The following ARHGEF7 variants were observed in gnomAD, a reference collection of about 807,000 sequenced individuals.
ARHGEF7 encodes the protein Rho guanine nucleotide exchange factor 7, also known as PAK-interacting exchange factor beta.
Under a neutral mutation model 109.8 loss-of-function variants are expected in ARHGEF7, and 33 were observed. The observed-to-expected ratio is 0.30, with a 90% CI of 0.23 to 0.40. The LOEUF (loss-of-function observed/expected upper bound fraction) is 0.40, where lower values mean the gene tolerates loss of function less well. ARHGEF7 is among the 10% of genes least tolerant of loss of function. The pLI, the probability that ARHGEF7 is intolerant of heterozygous loss-of-function variation, is 1.00. For missense variants in ARHGEF7, 938 were observed against 1,098.5 expected, an observed-to-expected ratio of 0.85 and a Z score of 2.07; for synonymous variants, 458 against 424.6, an observed-to-expected ratio of 1.08 and a Z score of -0.97.
chr13:111,134,934 A>G (rs993303309), intron 1 of ARHGEF7, among the ~76,000 whole-genome samples: 18 of 152,194 alleles, frequency 1.2e-4, no homozygotes, highest in African/African-American at 4.3e-4. Flanking sequence ...TAGGTCTAAC[A>G]TTTAAGCCTT....
intron 18 of ARHGEF7, among the ~76,000 whole-genome samples, chr13:111,291,516 C>T (rs184724327): frequency 5.2e-5 from 8 of 152,382 alleles, no homozygotes; most frequent in African/African-American, 2.4e-5. Context: ...CCTTTTCTGC[C>T]CTCTGAGTTC....
intron 2 of ARHGEF7, among the ~76,000 whole-genome samples, chr13:111,194,030 A>G (rs916944772): frequency 6.6e-6 from 1 of 152,202 alleles, no homozygotes; most frequent in Non-Finnish European, 1.5e-5. Context: ...TGAGTAGTCC[A>G]GACAGTGAGA....
At chr13:111,139,315 C>T (rs916041315) in intron 1 of ARHGEF7, among the ~76,000 whole-genome samples, 2 of 152,172 alleles carry the variant, frequency 1.3e-5, no homozygotes, top group African/African-American at 2.4e-5. Flanking sequence ...TCCCTTCCCT[C>T]GCCGGCTCCT....
Position 111,153,983 on chromosome 13 carries a change from C to A in ARHGEF7, c.244C>A (p.Arg82=). The stretch of plus-strand genomic sequence containing the variant: ...CCTGCGCGGCTGCGGGGCTTCCCTG[C>A]GGCTGGAGGTGAGCGCGGGCGGCCA... The part of the protein sequence containing the change: ...EFLRGCGASL[R]LETFDANDLY... The change falls in exon 2 of 22, where the codon CGG becomes AGG. Residue 82 remains arginine (R), a synonymous_variant. Transcript: ENST00000646102. The A allele has an allele frequency of 1.2e-6, 2 of 1,600,614 alleles. No individual in the cohort carries two copies. The highest frequency in any genetic ancestry group is 1.4e-5 in the African/African-American group (1 of 73,096).
chr13:111,245,612 G>A (rs117222782), intron 8 of ARHGEF7, among the ~76,000 whole-genome samples: 3,966 of 152,190 alleles, frequency 0.026, 82 homozygotes, highest in Non-Finnish European at 0.036. Context: ...ACTTCTGATG[G>A]CCGGCCACTA....
At chr13:111,148,531 C>A (rs889385039) in intron 1 of ARHGEF7, among the ~76,000 whole-genome samples, 1 of 152,214 alleles carries the variant, frequency 6.6e-6, no homozygotes, top group South Asian at 2.1e-4. Flanking sequence ...CTTACATACA[C>A]AGTCACCTAA....
chr13:111,203,323 C>T (rs1236595772), intron 2 of ARHGEF7, among the ~76,000 whole-genome samples: 1 of 152,286 alleles, frequency 6.6e-6, no homozygotes. Context: ...TTAAAAAATG[C>T]AGCTTAACCC....
At chr13:111,229,761 CT>C (rs956758636) in intron 5 of ARHGEF7, among the ~76,000 whole-genome samples, 1 of 152,112 alleles carries the variant, frequency 6.6e-6, no homozygotes, top group South Asian at 2.1e-4. Flanking sequence ...TTCCCGGAGA[CT>C]TTTTTGTCCC....
intron 8 of ARHGEF7, among the ~76,000 whole-genome samples, chr13:111,265,148 G>A (rs201503989): frequency 1.2e-4 from 13 of 111,416 alleles, no homozygotes; most frequent in African/African-American, 3.2e-4. Context: ...AAAAAAAAAA[G>A]AAGACCCATT....
chr13:111,236,760 A>G (rs1355752020), intron 6 of ARHGEF7, among the ~76,000 whole-genome samples: 3 of 152,264 alleles, frequency 2.0e-5, no homozygotes, highest in East Asian at 1.9e-4. Context: ...TGAGGCTAGG[A>G]GTTTGACACC....
chr13:111,170,338 T>A (rs1490153937), intron 2 of ARHGEF7, among the ~76,000 whole-genome samples: 1 of 152,248 alleles, frequency 6.6e-6, no homozygotes, highest in Non-Finnish European at 1.5e-5. Flanking sequence ...CCTTAAGTGA[T>A]CCACCCGCCT....
chr13:111,160,894 G>C (rs2076690583), intron 2 of ARHGEF7, among the ~76,000 whole-genome samples: 1 of 152,192 alleles, frequency 6.6e-6, no homozygotes, highest in Admixed American at 6.5e-5. Flanking sequence ...GGAACTGTGA[G>C]TCATTTAAAC....
intron 1 of ARHGEF7, among the ~76,000 whole-genome samples, chr13:111,148,342 G>C (rs2075720355): frequency 6.6e-6 from 1 of 152,206 alleles, no homozygotes; most frequent in African/African-American, 2.4e-5. Context: ...ATACAGCCAG[G>C]CACTACTTAC....
intron 2 of ARHGEF7, among the ~76,000 whole-genome samples, chr13:111,176,020 C>T (rs989082895): frequency 6.6e-6 from 1 of 152,106 alleles, no homozygotes; most frequent in Non-Finnish European, 1.5e-5. Flanking sequence ...GGTAACTGCC[C>T]CATGATTCAA....
intron 8 of ARHGEF7, among the ~76,000 whole-genome samples, chr13:111,264,824 T>C (rs2091450725): frequency 6.6e-6 from 1 of 152,240 alleles, no homozygotes; most frequent in Non-Finnish European, 1.5e-5. Context: ...TTATTACCTA[T>C]ATTTTACATT....
intron 4 of ARHGEF7, 73 bp downstream of exon 4, chr13:111,210,075 A>T: frequency 6.3e-7 from 1 of 1,581,760 alleles, no homozygotes; most frequent in South Asian, 1.1e-5. Context: ...ATCTGAGAAG[A>T]TACGTATGCC....
At chr13:111,231,209 T>G (rs1470015092) in intron 5 of ARHGEF7, among the ~76,000 whole-genome samples, 2 of 152,206 alleles carry the variant, frequency 1.3e-5, no homozygotes, top group African/African-American at 2.4e-5. Flanking sequence ...TGAAAAAGTG[T>G]TGTTTTTCCT....
intron 2 of ARHGEF7, among the ~76,000 whole-genome samples, chr13:111,160,068 A>G (rs1379219856): frequency 6.6e-6 from 1 of 152,202 alleles, no homozygotes; most frequent in Non-Finnish European, 1.5e-5. Flanking sequence ...ATTTTTCTGC[A>G]TGTGGATATC....
Position 111,301,541 on chromosome 13 carries a change from T to TAATC in ARHGEF7, c.2466+10_2466+13dup. On this transcript the variant is annotated intron_variant, in intron 21 of 21. Coordinates refer to ENST00000646102, the MANE Select transcript of ARHGEF7 (RefSeq NM_001354046.2). Reference sequence around the variant, plus strand: ...TTCAAGAATTAAGACAGGTACGTCATAATCCATCTTTAAATCTTTTTTTTC... The same window carrying TAATC: ...TTCAAGAATTAAGACAGGTACGTCATAATCAATCCATCTTTAAATCTTTTTTTTC... 6.3e-7 allele frequency: 1 copy of TAATC among 1,598,850 alleles called. No individual in the cohort carries two copies. Among genetic ancestry groups the TAATC allele is most frequent in the East Asian group, 2.2e-5 (1 of 44,800 alleles).
Sources: gnomAD v4.1 joint callset for allele counts (sites outside exome capture counted in the v4.1 genomes callset) on GRCh38, gnomAD v4.1.1 for gene constraint, MANE v1.5 for transcripts, NCBI Gene and HGNC (gene_info 2026-07-23, HGNC 2026-07-21) for gene names.